The following ARHGAP32 variants were observed in gnomAD, a reference collection of about 807,000 sequenced individuals.
The protein encoded by ARHGAP32 is Rho GTPase activating protein 32.
In ARHGAP32, 51 loss-of-function variants were observed where a neutral mutation model predicts 186.5. That is an observed-to-expected ratio of 0.27 (90% confidence interval 0.22 to 0.35). The LOEUF is 0.35. ARHGAP32 is among the 10% of genes least tolerant of loss of function. The pLI, the probability that ARHGAP32 is intolerant of heterozygous loss-of-function variation, is 1.00. For missense variants in ARHGAP32, 2,186 were observed against 2,623.5 expected (o/e 0.83, Z 3.64); for synonymous variants, 950 against 964.3 (o/e 0.99, Z 0.27).
chr11:129,046,207 T>C (rs1939799060), intron 10 of ARHGAP32, among the ~76,000 whole-genome samples: 1 of 152,132 alleles, frequency 6.6e-6, no homozygotes, highest in East Asian at 1.9e-4. Flanking sequence ...AGTTATACAG[T>C]ATTGAAAGCA....
At chr11:129,040,820 G>T in intron 11 of ARHGAP32, 108 bp downstream of exon 11, 1 of 666,800 alleles carries the variant, frequency 1.5e-6, no homozygotes, top group Non-Finnish European at 2.6e-6. Context: ...TAATTATTAT[G>T]CCTATAAATG....
intron 1 of ARHGAP32, among the ~76,000 whole-genome samples, chr11:129,202,132 C>T (rs1369743031): frequency 2.0e-5 from 3 of 151,834 alleles, no homozygotes. Flanking sequence ...ATTTTTAATA[C>T]ACACATGCAA....
rs190785014 is a variant in ARHGAP32, at chr11:129,079,582, G to T, written c.532-12714C>A. Among the ~76,000 whole-genome samples, 7 of 152,228 alleles carry T rather than the reference G, an allele frequency of 4.6e-5. No homozygotes were observed. The East Asian group carries it at 1.2e-3, about 25-fold the overall frequency. On this transcript the variant is annotated intron_variant, in intron 6 of 22. Transcript: ENST00000682385. ...CACCACTACCAAGCTAGCACTACAA[G>T]AAATGCTTAAAGGAGTTCTAAATCT... is the stretch of plus-strand genomic sequence containing the variant.
chr11:129,231,077 T>G (rs1944853059), intron 1 of ARHGAP32, among the ~76,000 whole-genome samples: 1 of 152,162 alleles, frequency 6.6e-6, no homozygotes, highest in African/African-American at 2.4e-5. Flanking sequence ...GAGGCTGCTG[T>G]GAGCCCAGAC....
At chr11:129,149,848 G>A (rs994585264) in intron 2 of ARHGAP32, among the ~76,000 whole-genome samples, 2 of 151,810 alleles carry the variant, frequency 1.3e-5, no homozygotes, top group African/African-American at 4.8e-5. Context: ...AGCTAATCAA[G>A]AAGACACCAG....
chr11:129,049,632 T>C lies in ARHGAP32; in HGVS notation c.964-8623A>G, dbSNP rs188227323. 5.3e-5 allele frequency among the ~76,000 whole-genome samples: 8 copies of C among 152,352 alleles called. No individual in the cohort carries two copies. The East Asian group carries it at 7.7e-4, about 15-fold the overall frequency. ...ATAATTTTACATAAATGAAGTCTTA[T>C]GTAATATACTCTTTTTTGTCTGCCT... On this transcript the variant is annotated intron_variant, in intron 10 of 22. Transcript: ENST00000682385.
intron 5 of ARHGAP32, among the ~76,000 whole-genome samples, chr11:129,100,608 G>A (rs1016812643): frequency 3.9e-5 from 6 of 152,000 alleles, no homozygotes; most frequent in African/African-American, 1.2e-4. Context: ...TCCACCTGCC[G>A]ACCACCACTG....
rs912794727 is a variant in ARHGAP32 at position 129,234,897 on chromosome 11, C to G, written c.-5+44249G>C. Among the ~76,000 whole-genome samples, 3 of 152,080 alleles carry G rather than the reference C, an allele frequency of 2.0e-5. No homozygotes were observed. In the South Asian group the frequency reaches 6.2e-4, roughly 32 times the overall value. ...CTATTTCACCATTCCCTTAGTTTAC[C>G]AGGCTTTTAAGTAGGACTTCACTGG... is the stretch of plus-strand genomic sequence containing the variant. On this transcript the variant is annotated intron_variant, in intron 1 of 6. Transcript: ENST00000525234.
At chr11:129,266,965 A>G (rs972013639) in intron 1 of ARHGAP32, among the ~76,000 whole-genome samples, 14 of 152,324 alleles carry the variant, frequency 9.2e-5, no homozygotes, top group Admixed American at 2.0e-4. Flanking sequence ...AAGAATGGCC[A>G]AAGAGCTGCT....
At chr11:129,124,371 T>C (rs889956193) in intron 3 of ARHGAP32, among the ~76,000 whole-genome samples, 2 of 152,170 alleles carry the variant, frequency 1.3e-5, no homozygotes, top group Non-Finnish European at 2.9e-5. Context: ...TTGGATTTCA[T>C]AGCTTCAGAT....
chr11:129,128,654 C>T (rs1340763570), intron 2 of ARHGAP32, among the ~76,000 whole-genome samples: 1 of 149,180 alleles, frequency 6.7e-6, no homozygotes, highest in African/African-American at 2.5e-5. Context: ...GACTGTACTG[C>T]CGCCATCTCG....
Position 129,238,639 on chromosome 11 carries a change from A to C in ARHGAP32, c.-5+40507T>G, listed in dbSNP as rs76315079. Among the ~76,000 whole-genome samples, 514 of 152,192 alleles carry C rather than the reference A, an allele frequency of 3.4e-3. 17 individuals are homozygous for C. The East Asian group carries it at 0.081, about 24-fold the overall frequency. On this transcript the variant is annotated intron_variant, in intron 1 of 6. Coordinates refer to the ARHGAP32 transcript ENST00000525234. ...GCACCTGTAGTCCCAGCTACTTACA[A>C]GGCTCAGGTGGGAGGACTGCTTGAT...
At chr11:129,116,264 G>T (rs1942366237) in intron 5 of ARHGAP32, among the ~76,000 whole-genome samples, 2 of 152,000 alleles carry the variant, frequency 1.3e-5, no homozygotes, top group Non-Finnish European at 2.9e-5. Context: ...TAAACTGCCT[G>T]TAAATTATGG....
intron 2 of ARHGAP32, among the ~76,000 whole-genome samples, chr11:129,139,751 G>C (rs1396787394): frequency 6.6e-6 from 1 of 152,130 alleles, no homozygotes; most frequent in African/African-American, 2.4e-5. Context: ...CAGCCATGTG[G>C]AACTGTAAGT....
intron 1 of ARHGAP32, among the ~76,000 whole-genome samples, chr11:129,180,484 ATG>A (rs912101745): frequency 6.6e-6 from 1 of 152,126 alleles, no homozygotes. Context: ...ACTTTATTAT[ATG>A]TGTTATACCT....
intron 2 of ARHGAP32, among the ~76,000 whole-genome samples, chr11:129,132,470 CA>C (rs1369315608): frequency 5.4e-5 from 8 of 149,130 alleles, no homozygotes; most frequent in Non-Finnish European, 8.9e-5. Flanking sequence ...AGAGCAAGAT[CA>C]GGGGGAGAAA....
chr11:129,096,603 A>G (rs995882635), intron 5 of ARHGAP32, among the ~76,000 whole-genome samples: 10 of 151,568 alleles, frequency 6.6e-5, no homozygotes, highest in Non-Finnish European at 1.2e-4. Flanking sequence ...CATACCTTAC[A>G]AGAGTCAAGA....
chr11:129,245,906 T>C lies in ARHGAP32; in HGVS notation c.-5+33240A>G, dbSNP rs886471123. On this transcript the variant is annotated intron_variant, in intron 1 of 6. Transcript: ENST00000525234. The stretch of plus-strand genomic sequence containing the variant: ...TAAGAGCTACTATGCCTAAATAATT[T>C]ATTGGAAGTTATTTCACAGTATTTT... Among the ~76,000 whole-genome samples, 49 of 152,234 alleles carry C rather than the reference T, an allele frequency of 3.2e-4. 1 individual carries two copies. Among genetic ancestry groups the C allele is most frequent in the African/African-American group, 1.2e-3 (49 of 41,566 alleles).
chr11:129,043,369 ATTTC>A (rs774362663), intron 10 of ARHGAP32, among the ~76,000 whole-genome samples: 5 of 123,646 alleles, frequency 4.0e-5, no homozygotes, highest in East Asian at 2.3e-4. Context: ...TTCTATGCAA[ATTTC>A]TTTTTTTCTT....
Sources: gnomAD v4.1 joint callset for allele counts (sites outside exome capture counted in the v4.1 genomes callset) on GRCh38, gnomAD v4.1.1 for gene constraint, MANE v1.5 for transcripts, NCBI Gene and HGNC (gene_info 2026-07-23, HGNC 2026-07-21) for gene names.